The following BTBD2 variants were observed in gnomAD, a reference collection of about 807,000 sequenced individuals.
The protein encoded by BTBD2 is BTB/POZ domain-containing protein 2.
BTBD2 carries 15 observed loss-of-function variants against 44.0 expected under a neutral mutation model. The ratio of observed to expected loss-of-function variants is 0.34; its 90% CI spans 0.23 to 0.53. The LOEUF (loss-of-function observed/expected upper bound fraction) is 0.53. BTBD2 is among the 20% of genes least tolerant of loss of function. BTBD2 has a pLI of 0.95. For missense variants in BTBD2, 657 were observed against 746.4 expected (o/e 0.88, Z 1.39); for synonymous variants, 443 against 335.9 (o/e 1.32, Z -3.49).
chr19:2,008,538 G>A (rs934370738), intron 1 of BTBD2, among the ~76,000 whole-genome samples: 5 of 149,488 alleles, frequency 3.3e-5, no homozygotes, highest in African/African-American at 7.5e-5. Flanking sequence ...TGATCTGCCC[G>A]CCTTGGCCTC....
chr19:2,009,230 A>G (rs1418904743), intron 1 of BTBD2, among the ~76,000 whole-genome samples: 4 of 149,280 alleles, frequency 2.7e-5, no homozygotes, highest in Admixed American at 6.7e-5. Context: ...GCGGAGTCTC[A>G]GTCTGTCACC....
intron 5 of BTBD2, chr19:1,989,787 G>A (rs150886706): frequency 1.4e-5 from 8 of 591,382 alleles, no homozygotes; most frequent in Admixed American, 3.0e-5. Flanking sequence ...CACGAGAGGC[G>A]GGGTCTGGCA....
At chr19:1,995,029 G>A (rs561576561) in intron 2 of BTBD2, among the ~76,000 whole-genome samples, 46 of 148,568 alleles carry the variant, frequency 3.1e-4, no homozygotes, top group African/African-American at 9.7e-4. Context: ...GTGCAGTGGC[G>A]CAGTCTTGGT....
chr19:2,010,402 C>A (rs1489249853), intron 1 of BTBD2, among the ~76,000 whole-genome samples: 2 of 152,264 alleles, frequency 1.3e-5, no homozygotes, highest in South Asian at 4.1e-4. Context: ...CAACCCCTGG[C>A]CTCCTCCCCA....
intron 1 of BTBD2, among the ~76,000 whole-genome samples, chr19:2,012,790 C>T (rs1352069886): frequency 1.3e-5 from 2 of 152,204 alleles, no homozygotes; most frequent in Non-Finnish European, 2.9e-5. Context: ...CCCCACTTTG[C>T]AACCGAGCCA....
chr19:1,992,924 C>G, intron 3 of BTBD2, 96 bp downstream of exon 3: 1 of 1,042,946 alleles, frequency 9.6e-7, no homozygotes, highest in African/African-American at 1.7e-5. Flanking sequence ...GGCCCGCCCC[C>G]GGCCCCGCCT....
chr19:2,000,594 C>G (rs898583684), intron 1 of BTBD2, among the ~76,000 whole-genome samples: 12 of 152,188 alleles, frequency 7.9e-5, no homozygotes, highest in Admixed American at 7.2e-4. Context: ...CATGGGCCTT[C>G]AGGATTCGAC....
At chr19:1,999,651 G>C (rs1228616071) in intron 1 of BTBD2, among the ~76,000 whole-genome samples, 3 of 150,526 alleles carry the variant, frequency 2.0e-5, no homozygotes, top group Non-Finnish European at 4.4e-5. Flanking sequence ...GGGCAACAGA[G>C]CAAGACTCTG....
At position 1,986,902 on chromosome 19, in the gene BTBD2, G is replaced by T. The variant is rs771854296; in HGVS notation, c.1344C>A (p.Thr448=). The change falls in exon 8 of 9, where the codon ACC becomes ACA. Residue 448 remains threonine (T), a synonymous_variant. Coordinates refer to ENST00000255608, the MANE Select transcript of BTBD2 (RefSeq NM_017797.4). ...CCGGCTCCTTGAACATGACGCGGAA[G>T]GTGCTGGCTGAGCCGTCGCAGCTGA... ...TGFSCDGSAS[T]FRVMFKEPVE... The T allele has an allele frequency of 4.3e-6, 7 of 1,613,150 alleles. No individual in the cohort carries two copies. The African/African-American group carries it at 8.0e-5, about 18-fold the overall frequency.
At position 2,013,059 on chromosome 19, in the gene BTBD2, G is replaced by A. The variant is rs1037746176; in HGVS notation, c.407+2238C>T. 3.9e-5 allele frequency among the ~76,000 whole-genome samples: 6 copies of A among 152,296 alleles called. No homozygotes were observed. In the South Asian group the frequency reaches 1.0e-3, roughly 26 times the overall value. On this transcript the variant is annotated intron_variant, in intron 1 of 8. Coordinates refer to ENST00000255608, the MANE Select transcript of BTBD2 (RefSeq NM_017797.4). The stretch of plus-strand genomic sequence containing the variant: ...CAGAGACAGGGACGGCGACACGGAC[G>A]GCACAAGCCGTAGGAGGCCCCGGAA...
At chr19:2,001,055 G>A (rs143786174) in intron 1 of BTBD2, among the ~76,000 whole-genome samples, 1,885 of 151,730 alleles carry the variant, frequency 0.012, 41 homozygotes, top group African/African-American at 0.042. Flanking sequence ...AGGCTGAGGC[G>A]GGCGGCTCAC....
At chr19:1,995,772 G>A (rs1330295608) in intron 2 of BTBD2, among the ~76,000 whole-genome samples, 3 of 151,466 alleles carry the variant, frequency 2.0e-5, no homozygotes, top group Middle Eastern at 3.2e-3. Context: ...AAGTAGCTGC[G>A]ACTACGGGCG....
intron 1 of BTBD2, among the ~76,000 whole-genome samples, chr19:2,001,286 G>C (rs1285906055): frequency 2.0e-5 from 3 of 152,048 alleles, no homozygotes; most frequent in Admixed American, 6.6e-5. Context: ...CACGAGGTCA[G>C]GAGATCAAGA....
chr19:2,011,662 T>C (rs1166126460), intron 1 of BTBD2, among the ~76,000 whole-genome samples: 2 of 151,986 alleles, frequency 1.3e-5, no homozygotes, highest in Non-Finnish European at 2.9e-5. Context: ...GGTCCACTCA[T>C]ATGTGAATTT....
chr19:1,999,831 G>A lies in BTBD2; in HGVS notation c.408-2368C>T, dbSNP rs1454481134. Reference sequence around the variant, plus strand: ...ACAAAAATTAGCTGGGCGTGGTGGTGGGTGCCTGTAATCCCAGCTACTCAG... The same window carrying A: ...ACAAAAATTAGCTGGGCGTGGTGGTAGGTGCCTGTAATCCCAGCTACTCAG... On this transcript the variant is annotated intron_variant, in intron 1 of 8. Transcript: ENST00000255608. 3.3e-5 allele frequency among the ~76,000 whole-genome samples: 5 copies of A among 151,998 alleles called. No homozygotes were observed. In the East Asian group the frequency reaches 5.8e-4, roughly 18 times the overall value.
intron 1 of BTBD2, among the ~76,000 whole-genome samples, chr19:1,997,959 G>GCACT (rs1480718300): frequency 2.6e-5 from 4 of 152,054 alleles, no homozygotes; most frequent in African/African-American, 9.7e-5. Flanking sequence ...TCATACACAT[G>GCACT]CACTCATTCA....
rs2016523119 is a variant in BTBD2 at position 2,015,516 on chromosome 19, G to A, written c.188C>T (p.Pro63Leu). 9 of 974,578 alleles carry A rather than the reference G, an allele frequency of 9.2e-6. No homozygotes were observed. The highest frequency in any genetic ancestry group is 8.5e-6 in the Non-Finnish European group (7 of 827,322). The allele number at this position is 974,578 out of a possible 1,614,324, so 60.4% of individuals were successfully genotyped here. ...AAPGPTPPAP[P>L]GPGTDAQAAG... ...GGCCTGCGCGTCTGTCCCGGGGCCC[G>A]GCGGGGCGGGCGGCGTCGGCCCAGG... is the stretch of plus-strand genomic sequence containing the variant. Residue 63 changes from proline (P) to leucine (L), a missense_variant, in exon 1 of 9, where the codon CCG (proline) becomes CTG (leucine). This residue lies in a region of BTBD2 where 191 missense variants were observed against 188.5 expected (regional missense o/e 1.01). Coordinates refer to ENST00000255608, the MANE Select transcript of BTBD2 (RefSeq NM_017797.4).
At chr19:2,015,115 C>T (rs562865527) in intron 1 of BTBD2, among the ~76,000 whole-genome samples, 182 bp downstream of exon 1, 1 of 132,782 alleles carries the variant, frequency 7.5e-6, no homozygotes, top group Admixed American at 7.6e-5. Flanking sequence ...GGGTGCAGGC[C>T]GAGTTGGGTT....
chr19:2,013,062 A>C (rs1055059984), intron 1 of BTBD2, among the ~76,000 whole-genome samples: 1 of 152,198 alleles, frequency 6.6e-6, no homozygotes, highest in Non-Finnish European at 1.5e-5. Context: ...CACGGACGGC[A>C]CAAGCCGTAG....
Sources: gnomAD v4.1 joint callset for allele counts (sites outside exome capture counted in the v4.1 genomes callset) on GRCh38, gnomAD v4.1.1 for gene constraint, gnomAD v4.1.1 regional missense constraint, MANE v1.5 for transcripts, NCBI Gene and HGNC (gene_info 2026-07-23, HGNC 2026-07-21) for gene names.